Variants in PRKAG2 observed in about 807,000 individuals in gnomAD.
The protein encoded by PRKAG2 is 5'-AMP-activated protein kinase subunit gamma-2.
In PRKAG2, 26 loss-of-function variants were observed where a neutral mutation model predicts 69.6. The ratio of observed to expected loss-of-function variants is 0.37; its 90% CI spans 0.27 to 0.52. The LOEUF is 0.52. PRKAG2 is among the 20% of genes least tolerant of loss of function. The pLI, the probability that PRKAG2 is intolerant of heterozygous loss-of-function variation, is 0.90. For missense variants in PRKAG2, 557 were observed against 740.0 expected (o/e 0.75, Z 2.87); for synonymous variants, 293 against 285.0 (o/e 1.03, Z -0.28).
chr7:151,855,497 A>C (rs373921362), intron 1 of PRKAG2, among the ~76,000 whole-genome samples: 7 of 62,174 alleles, frequency 1.1e-4, no homozygotes, highest in African/African-American at 1.9e-4. Context: ...TCCACACACC[A>C]CCCTCCACAC....
intron 5 of PRKAG2, among the ~76,000 whole-genome samples, chr7:151,607,597 C>CT (rs1817810890): frequency 1.3e-5 from 2 of 152,110 alleles, no homozygotes; most frequent in Admixed American, 6.6e-5. Context: ...ACAATATACC[C>CT]TGTATCATTC....
At chr7:151,793,761 G>T (rs1414157998) in intron 1 of PRKAG2, among the ~76,000 whole-genome samples, 1 of 152,226 alleles carries the variant, frequency 6.6e-6, no homozygotes, top group Non-Finnish European at 1.5e-5. Context: ...CACCAAACGG[G>T]CAATTCTTGG....
At chr7:151,697,651 C>T (rs1301408414) in intron 3 of PRKAG2, among the ~76,000 whole-genome samples, 2 of 152,116 alleles carry the variant, frequency 1.3e-5, no homozygotes, top group South Asian at 2.1e-4. Context: ...TCTGACATAA[C>T]CCCTTAGCTG....
At chr7:151,575,944 C>T (rs73475430) in intron 7 of PRKAG2, among the ~76,000 whole-genome samples, 2,116 of 148,308 alleles carry the variant, frequency 0.014, 43 homozygotes, top group African/African-American at 0.05. Context: ...TTGGACCTTA[C>T]TAGCACGTCC....
chr7:151,767,155 G>A (rs1190447804), intron 3 of PRKAG2, among the ~76,000 whole-genome samples: 2 of 152,190 alleles, frequency 1.3e-5, no homozygotes, highest in Non-Finnish European at 2.9e-5. Flanking sequence ...CCAAGCCAAG[G>A]AATGGCAGTG....
At chr7:151,876,366 C>A in intron 1 of PRKAG2, 141 bp downstream of exon 1, 1 of 835,512 alleles carries the variant, frequency 1.2e-6, no homozygotes, top group Non-Finnish European at 2.0e-6. Flanking sequence ...GGCCCTGTCC[C>A]TCTACCCTTT....
intron 3 of PRKAG2, among the ~76,000 whole-genome samples, chr7:151,740,592 C>A (rs2073812749): frequency 6.6e-6 from 1 of 151,736 alleles, no homozygotes; most frequent in Admixed American, 6.6e-5. Context: ...AGCAAGGATG[C>A]ATGAATGAAC....
At chr7:151,862,937 T>C (rs1351867373) in intron 1 of PRKAG2, among the ~76,000 whole-genome samples, 5 of 146,486 alleles carry the variant, frequency 3.4e-5, no homozygotes, top group African/African-American at 1.3e-4. Flanking sequence ...GGTAGGCCTC[T>C]GGGTGCAGGG....
At chr7:151,758,671 G>A (rs2151752493) in intron 3 of PRKAG2, among the ~76,000 whole-genome samples, 1 of 152,302 alleles carries the variant, frequency 6.6e-6, no homozygotes, top group African/African-American at 2.4e-5. Context: ...TAGACCTGGG[G>A]GGATGAGGAG....
chr7:151,573,737 C>G (rs1326109269), intron 8 of PRKAG2, among the ~76,000 whole-genome samples: 1 of 152,130 alleles, frequency 6.6e-6, no homozygotes, highest in Non-Finnish European at 1.5e-5. Context: ...GAAATAAATA[C>G]AGGATATTTA....
At chr7:151,617,795 C>T (rs1381588317) in intron 5 of PRKAG2, among the ~76,000 whole-genome samples, 1 of 152,034 alleles carries the variant, frequency 6.6e-6, no homozygotes, top group Non-Finnish European at 1.5e-5. Context: ...CGAAAAAAAC[C>T]CTGACTCCTT....
chr7:151,615,398 T>C (rs1281403561), intron 5 of PRKAG2, among the ~76,000 whole-genome samples: 2 of 152,208 alleles, frequency 1.3e-5, no homozygotes, highest in African/African-American at 4.8e-5. Flanking sequence ...CACCCGGTAA[T>C]GGGATTGCTA....
intron 3 of PRKAG2, among the ~76,000 whole-genome samples, chr7:151,682,689 A>G (rs958764897): frequency 2.0e-5 from 3 of 152,176 alleles, no homozygotes; most frequent in Non-Finnish European, 4.4e-5. Context: ...GCTAAGATGG[A>G]TTAGAGCAAG....
chr7:151,816,442 A>T (rs922198847), intron 1 of PRKAG2, among the ~76,000 whole-genome samples: 2 of 152,174 alleles, frequency 1.3e-5, no homozygotes, highest in Admixed American at 6.5e-5. Flanking sequence ...CAAGTCCTGG[A>T]TCAGTCATTT....
intron 6 of PRKAG2, among the ~76,000 whole-genome samples, chr7:151,578,244 C>T (rs1209462891): frequency 2.0e-5 from 3 of 152,140 alleles, no homozygotes; most frequent in African/African-American, 7.2e-5. Context: ...ACTCAGGAGG[C>T]TGAGGCACAA....
chr7:151,694,791 C>T (rs1836314059), intron 3 of PRKAG2, among the ~76,000 whole-genome samples: 1 of 152,246 alleles, frequency 6.6e-6, no homozygotes, highest in South Asian at 2.1e-4. Context: ...CCTGTGGTGA[C>T]AGCAACTATG....
At chr7:151,660,086 C>T (rs1313553042) in intron 4 of PRKAG2, among the ~76,000 whole-genome samples, 1 of 152,180 alleles carries the variant, frequency 6.6e-6, no homozygotes, top group African/African-American at 2.4e-5. Flanking sequence ...ACAATTCATT[C>T]CTACATTCCG....
rs192325084 is a variant in PRKAG2, at chr7:151,657,987, A to G, written c.684+17433T>C. The stretch of plus-strand genomic sequence containing the variant: ...AGCCTGGCTAACACAGTGAAACCCC[A>G]TCTCTACTAAAAATACAAAAATTAG... On this transcript the variant is annotated intron_variant, in intron 4 of 15. Transcript: ENST00000287878. Among the ~76,000 whole-genome samples, 415 of 150,630 alleles carry G rather than the reference A, an allele frequency of 2.8e-3. 12 individuals are homozygous for G. The East Asian group carries it at 0.079, about 29-fold the overall frequency.
chr7:151,759,009 C>A (rs1217100483), intron 3 of PRKAG2, among the ~76,000 whole-genome samples: 1 of 152,174 alleles, frequency 6.6e-6, no homozygotes. Context: ...AGTAGCCAGA[C>A]ATCTCTCTGC....
Sources: allele counts gnomAD v4.1 joint callset (sites outside exome capture counted in the v4.1 genomes callset), GRCh38; gene constraint gnomAD v4.1.1; transcripts MANE v1.5; gene names NCBI Gene and HGNC (gene_info 2026-07-23, HGNC 2026-07-21).